HOXB13: variants seen among roughly 807,000 people sequenced by gnomAD.
The protein encoded by HOXB13 is homeobox protein Hox-B13.
Under a neutral mutation model 23.1 loss-of-function variants are expected in HOXB13, and 22 were observed. The ratio of observed to expected loss-of-function variants is 0.95; its 90% CI spans 0.68 to 1.36. The LOEUF (loss-of-function observed/expected upper bound fraction) is 1.36. Ranked by LOEUF, HOXB13 falls within the 40% of genes most tolerant of loss-of-function variation. The probability of loss-of-function intolerance (pLI) is 0.00; values close to 1 mark genes in which losing one functional copy is unlikely to be tolerated. For synonymous variants in HOXB13, 173 were observed against 157.9 expected (o/e 1.10, Z -0.72); for missense variants, 386 against 376.2 (o/e 1.03, Z -0.22).
rs1597934464 is a variant in HOXB13, at chr17:48,728,258, C to T, written c.336G>A (p.Glu112=). Residue 112 remains glutamate, a synonymous_variant, in exon 1 of 2, where the codon GAG becomes GAA. Transcript: ENST00000290295. The part of the protein sequence containing the change: ...QAATLAAYPA[E]TPTAGEEYPS... ...GGTACTCTTCCCCGGCCGTGGGAGTCTCCGCGGGGTACGCGGCCAGGGTGG... is the reference window on the plus strand; with the variant it reads ...GGTACTCTTCCCCGGCCGTGGGAGTTTCCGCGGGGTACGCGGCCAGGGTGG... 1 of 1,614,220 alleles carries T rather than the reference C, an allele frequency of 6.2e-7. No individual in the cohort carries two copies. The highest frequency in any genetic ancestry group is 1.3e-5 in the African/African-American group (1 of 75,062).
In HOXB13 at chr17:48,725,569, C is replaced by T. The variant is rs960634164; in HGVS notation, c.*1221G>A. On this transcript the variant is annotated 3_prime_UTR_variant, in exon 2 of 2. Coordinates refer to ENST00000290295, the MANE Select transcript of HOXB13 (RefSeq NM_006361.6). ...TCGCCACCGACCCCACTACTCGCCA[C>T]CGACCCGCTGCTCGGAGCTTCGGTT... 2.0e-5 allele frequency: 3 copies of T among 152,322 alleles called. No individual in the cohort carries two copies. The highest frequency in any genetic ancestry group is 2.9e-5 in the Non-Finnish European group (2 of 68,126). The allele number at this position is 152,322 out of a possible 1,614,324, so 9.4% of individuals were successfully genotyped here. A position where few individuals can be genotyped will look rare whatever the true frequency, so the allele number is the denominator to read the frequency against.
chr17:48,727,432 C>T (rs2038223357), intron 1 of HOXB13, among the ~76,000 whole-genome samples: 1 of 145,794 alleles, frequency 6.9e-6, no homozygotes, highest in Non-Finnish European at 1.5e-5. Context: ...GCCCCCACTC[C>T]CAATACATGC....
intron 1 of HOXB13, 101 bp from the exon 2 acceptor site, chr17:48,727,144 C>A (rs970712381): frequency 7.0e-7 from 1 of 1,429,762 alleles, no homozygotes; most frequent in Admixed American, 1.9e-5. Context: ...CACAGGTGCA[C>A]ACAGGTCACC....
Position 48,726,994 on chromosome 17 carries a change from G to GCGGC in HOXB13, c.647_650dup (p.Lys218ProfsTer22), listed in dbSNP as rs1567701164. The stretch of plus-strand genomic sequence containing the variant: ...CCTTGCTGTACGGAATGCGTTTCTT[G>GCGGC]CGGCCGCGACGAAAGGCGCAGGCGT... On this transcript the variant is annotated frameshift_variant, in exon 2 of 2. Transcript: ENST00000290295. LOFTEE classifies it high-confidence loss of function. 6.2e-7 allele frequency: 1 copy of GCGGC among 1,611,904 alleles called. No homozygotes were observed. The highest frequency in any genetic ancestry group is 1.7e-5 in the Admixed American group (1 of 60,018).
chr17:48,727,189 C>A lies in HOXB13; in HGVS notation c.602-146G>T, dbSNP rs79106968. On this transcript the variant is annotated intron_variant, in intron 1 of 1. Transcript: ENST00000290295. Reference sequence around the variant, plus strand: ...CACGTGCAATCCTGTTCCTCCAAAGCATACCAGGACAGCACCCTGGCTTCC... The same window carrying A: ...CACGTGCAATCCTGTTCCTCCAAAGAATACCAGGACAGCACCCTGGCTTCC... 6.6e-5 allele frequency: 67 copies of A among 1,012,056 alleles called. No homozygotes were observed. In the East Asian group the frequency reaches 1.2e-3, roughly 18 times the overall value. 62.7% of individuals were successfully genotyped at this position (1,012,056 alleles called of 1,614,324 possible).
At chr17:48,727,119 C>T in intron 1 of HOXB13, 76 bp from the exon 2 acceptor site, 32 of 1,550,720 alleles carry the variant, frequency 2.1e-5, no homozygotes, top group Non-Finnish European at 2.7e-5. Context: ...TTGCAAGCCC[C>T]AAGCTAAGTC....
At chr17:48,727,828 GC>G (rs2038226621) in intron 1 of HOXB13, among the ~76,000 whole-genome samples, 164 bp downstream of exon 1, 2 of 152,074 alleles carry the variant, frequency 1.3e-5, no homozygotes, top group Non-Finnish European at 2.9e-5. Context: ...CTCCATCCAG[GC>G]CCTCCAGCTA....
Position 48,728,071 on chromosome 17 carries a change from C to T in HOXB13, c.523G>A (p.Ala175Thr), listed in dbSNP as rs148649390. Residue 175 changes from alanine (A) to threonine (T), a missense_variant, in exon 1 of 2, where the codon GCT (alanine) becomes ACT (threonine). Physicochemically the swap from Ala to Thr is moderately conservative, Grantham distance 58. Transcript: ENST00000290295. ...CACATCTGGCTGTTCCAGCCACCAG[C>T]GAGAGCCCAAGACTGGTAACTGTCC... ...PVDSYQSWAL[A>T]GGWNSQMCCQ... 6.2e-7 allele frequency: 1 copy of T among 1,614,222 alleles called. No homozygotes were observed. The highest frequency in any genetic ancestry group is 8.5e-7 in the Non-Finnish European group (1 of 1,180,044).
In HOXB13 at chr17:48,728,016, G is replaced by C. The variant is rs1597933762; in HGVS notation, c.578C>G (p.Pro193Arg). The C allele has an allele frequency of 6.2e-7, 1 of 1,614,068 alleles. No homozygotes were observed. The change falls in exon 1 of 2, where the codon CCC (proline) becomes CGC (arginine). Residue 193 changes from proline (P) to arginine (R), a missense_variant. Coordinates refer to ENST00000290295, the MANE Select transcript of HOXB13 (RefSeq NM_006361.6). ...CCQGEQNPPG[P>R]FWKAAFADSS... ...ACCTGCAAATGCTGCCTTCCAAAAG[G>C]GACCTGGTGGGTTCTGTTCTCCCTG...
At position 48,728,577 on chromosome 17, in the gene HOXB13, T is replaced by G; in HGVS notation, c.17A>C (p.Tyr6Ser). Residue 6 changes from tyrosine (Y) to serine (S), a missense_variant, in exon 1 of 2, where the codon TAT (tyrosine) becomes TCT (serine). Tyr to Ser is a moderately radical substitution (Grantham distance 144). Transcript: ENST00000290295. MEPGN[Y>S]ATLDGAKDIE... ...ATCCTTGGCTCCATCCAAGGTGGCA[T>G]AATTGCCGGGCTCCATGGAGCCGAG... 5 of 1,612,254 alleles carry G rather than the reference T, an allele frequency of 3.1e-6. No homozygotes were observed. The highest frequency in any genetic ancestry group is 4.2e-6 in the Non-Finnish European group (5 of 1,179,900).
chr17:48,727,137 A>C, intron 1 of HOXB13, 94 bp from the exon 2 acceptor site: 1 of 1,450,478 alleles, frequency 6.9e-7, no homozygotes, highest in Non-Finnish European at 9.4e-7. Context: ...GTCATCTCAC[A>C]GGTGCACACA....
chr17:48,728,526 C>A lies in HOXB13; in HGVS notation c.68G>T (p.Gly23Val). The change falls in exon 1 of 2, where the codon GGG becomes GTG. Residue 23 changes from glycine (G) to valine (V), a missense_variant. Physicochemically the swap from Gly to Val is moderately radical, Grantham distance 109. Coordinates refer to ENST00000290295, the MANE Select transcript of HOXB13 (RefSeq NM_006361.6). ...GGAGTGGGCGACCAGATTCCGCCCC[C>A]CTCCCGCTCCCAGCAAGCCTTCGAT... ...KDIEGLLGAG[G>V]GRNLVAHSPL... The A allele has an allele frequency of 1.9e-6, 3 of 1,613,240 alleles. No homozygotes were observed. The highest frequency in any genetic ancestry group is 2.5e-6 in the Non-Finnish European group (3 of 1,179,950).
rs1402610283 is a variant in HOXB13 at position 48,725,550 on chromosome 17, C to A, written c.*1240G>T. The A allele has an allele frequency of 6.6e-6, 1 of 152,236 alleles. No individual in the cohort carries two copies. Among genetic ancestry groups the A allele is most frequent in the Non-Finnish European group, 1.5e-5 (1 of 68,128 alleles). The allele number at this position is 152,236 out of a possible 1,614,324, so 9.4% of individuals were successfully genotyped here. On this transcript the variant is annotated 3_prime_UTR_variant, in exon 2 of 2. Coordinates refer to ENST00000290295, the MANE Select transcript of HOXB13 (RefSeq NM_006361.6). ...GCGGCCCACCACCAACTGCTCGCCA[C>A]CGACCCCACTACTCGCCACCGACCC...
intron 1 of HOXB13, among the ~76,000 whole-genome samples, chr17:48,727,381 C>T (rs1324873140): frequency 1.3e-5 from 2 of 152,104 alleles, no homozygotes; most frequent in South Asian, 2.1e-4. Flanking sequence ...CTCTTGGCCA[C>T]TCTTTTAGAT....
rs1217282027 is a variant in HOXB13, at chr17:48,725,953, C to T, written c.*837G>A. On this transcript the variant is annotated 3_prime_UTR_variant, in exon 2 of 2. Coordinates refer to ENST00000290295, the MANE Select transcript of HOXB13 (RefSeq NM_006361.6). ...GCTAAGTATGCAAGGCTACAAACAT[C>T]TACTTCACTGGGATCCCAAATGCTC... 6.6e-6 allele frequency: 1 copy of T among 152,286 alleles called. No individual in the cohort carries two copies. Among genetic ancestry groups the T allele is most frequent in the South Asian group, 2.1e-4 (1 of 4,838 alleles). The allele number at this position is 152,286 out of a possible 1,614,324, so 9.4% of individuals were successfully genotyped here.
Position 48,727,134 on chromosome 17 carries a change from C to T in HOXB13, c.602-91G>A, listed in dbSNP as rs1597933229. On this transcript the variant is annotated intron_variant, in intron 1 of 1. Transcript: ENST00000290295. ...TTGCAAGCCCCAAGCTAAGTCATCT[C>T]ACAGGTGCACACAGGTCACCCTACA... is the stretch of plus-strand genomic sequence containing the variant. The T allele has an allele frequency of 4.1e-6, 6 of 1,447,868 alleles. No homozygotes were observed. Among genetic ancestry groups the T allele is most frequent in the East Asian group, 2.3e-5 (1 of 43,402 alleles). 89.7% of individuals were successfully genotyped at this position (1,447,868 alleles called of 1,614,324 possible). A position where few individuals can be genotyped will look rare whatever the true frequency, so the allele number is the denominator to read the frequency against.
Position 48,728,254 on chromosome 17 carries a change from G to C in HOXB13, c.340C>G (p.Pro114Ala), listed in dbSNP as rs751698154. ...CTGGGGTACTCTTCCCCGGCCGTGG[G>C]AGTCTCCGCGGGGTACGCGGCCAGG... The part of the protein sequence containing the change: ...ATLAAYPAET[P>A]TAGEEYPSRP... The change falls in exon 1 of 2, where the codon CCC becomes GCC. Residue 114 changes from proline (P) to alanine (A), a missense_variant. Pro to Ala is a conservative substitution (Grantham distance 27). Coordinates refer to ENST00000290295, the MANE Select transcript of HOXB13 (RefSeq NM_006361.6). The C allele has an allele frequency of 6.2e-7, 1 of 1,614,194 alleles. No individual in the cohort carries two copies. The highest frequency in any genetic ancestry group is 8.5e-7 in the Non-Finnish European group (1 of 1,180,040).
chr17:48,724,973 T>C lies in HOXB13; in HGVS notation c.*1817A>G. The C allele has an allele frequency of 3.9e-6, 1 of 259,192 alleles. No individual in the cohort carries two copies. Among genetic ancestry groups the C allele is most frequent in the Non-Finnish European group, 7.2e-6 (1 of 138,878 alleles). The allele number at this position is 259,192 out of a possible 1,614,324, so 16.1% of individuals were successfully genotyped here. ...AAGGGGTCACCCCGCACCATGCCGC[T>C]CCCCCTCATCTATCTTGCCCCCTCC... On this transcript the variant is annotated 3_prime_UTR_variant, in exon 2 of 2. Transcript: ENST00000290295.
intron 1 of HOXB13, among the ~76,000 whole-genome samples, chr17:48,727,424 C>T (rs2038223273): frequency 6.7e-6 from 1 of 150,050 alleles, no homozygotes; most frequent in African/African-American, 2.5e-5. Context: ...ACGTTTCTGC[C>T]CCCACTCCCA....
Sources: gnomAD v4.1 joint callset for allele counts (sites outside exome capture counted in the v4.1 genomes callset) on GRCh38, gnomAD v4.1.1 for gene constraint, MANE v1.5 for transcripts, NCBI Gene and HGNC (gene_info 2026-07-23, HGNC 2026-07-21) for gene names.